CNTN5: variants seen among roughly 807,000 people sequenced by gnomAD.
The protein encoded by CNTN5 is contactin-5.
Under a neutral mutation model 129.1 loss-of-function variants are expected in CNTN5, and 77 were observed. The observed-to-expected ratio is 0.60, with a 90% CI of 0.50 to 0.72. The LOEUF is 0.72. Among genes scored for constraint, CNTN5 ranks in the 30% least tolerant of loss-of-function variants. The probability of loss-of-function intolerance (pLI) is 0.00; values close to 1 mark genes in which losing one functional copy is unlikely to be tolerated. For synonymous variants in CNTN5, 509 were observed against 465.6 expected, an observed-to-expected ratio of 1.09 and a Z score of -1.20; for missense variants, 1,478 against 1,328.8, an observed-to-expected ratio of 1.11 and a Z score of -1.75.
At chr11:100,266,626 A>G (rs530556073) in intron 17 of CNTN5, among the ~76,000 whole-genome samples, 2 of 105,806 alleles carry the variant, frequency 1.9e-5, no homozygotes, top group Non-Finnish European at 3.7e-5. Flanking sequence ...TAGAATTTCC[A>G]AATCTTTTTT....
intron 3 of CNTN5, among the ~76,000 whole-genome samples, chr11:99,590,919 A>G (rs1198186410): frequency 6.6e-6 from 1 of 152,096 alleles, no homozygotes; most frequent in African/African-American, 2.4e-5. Context: ...TATTTCAAAT[A>G]AAGATATGGT....
At chr11:99,470,545 T>G (rs2135272547) in intron 2 of CNTN5, among the ~76,000 whole-genome samples, 1 of 152,270 alleles carries the variant, frequency 6.6e-6, no homozygotes. Context: ...CTATACTGGT[T>G]CATTTTTCAA....
At chr11:99,237,332 C>T (rs1360691193) in intron 1 of CNTN5, among the ~76,000 whole-genome samples, 1 of 152,070 alleles carries the variant, frequency 6.6e-6, no homozygotes, top group Non-Finnish European at 1.5e-5. Flanking sequence ...AAAATAGAAG[C>T]TCTATCTCTA....
intron 2 of CNTN5, among the ~76,000 whole-genome samples, chr11:99,497,034 T>A (rs1169377665): frequency 1.3e-5 from 2 of 152,222 alleles, no homozygotes; most frequent in African/African-American, 4.8e-5. Context: ...ATCTGTGAAA[T>A]GTAGATGTTA....
chr11:99,634,855 A>C (rs992760985), intron 3 of CNTN5, among the ~76,000 whole-genome samples: 4 of 152,196 alleles, frequency 2.6e-5, no homozygotes, highest in Non-Finnish European at 5.9e-5. Context: ...CGTGTCATCA[A>C]TGTCCCTCCA....
chr11:100,249,600 T>C (rs1398292752), intron 16 of CNTN5, among the ~76,000 whole-genome samples: 3 of 152,328 alleles, frequency 2.0e-5, no homozygotes, highest in African/African-American at 7.2e-5. Context: ...ATGAGATTTC[T>C]ACTGAATGAG....
At chr11:99,865,832 G>C (rs1202770092) in intron 6 of CNTN5, among the ~76,000 whole-genome samples, 1 of 152,070 alleles carries the variant, frequency 6.6e-6, no homozygotes, top group Non-Finnish European at 1.5e-5. Flanking sequence ...ATAAGTAGCT[G>C]TAACCTGGTT....
rs76218099 is a variant in CNTN5, at chr11:99,952,969, A to C, written c.674-3837A>C. Among the ~76,000 whole-genome samples, 7 of 152,312 alleles carry C rather than the reference A, an allele frequency of 4.6e-5. No homozygotes were observed. In the East Asian group the frequency reaches 1.4e-3, roughly 29 times the overall value. ...AGTCATTCAACAACTCAGATGCTAT[A>C]TCCATTGTGTTCTCTCCAAATTCTT... is the stretch of plus-strand genomic sequence containing the variant. On this transcript the variant is annotated intron_variant, in intron 7 of 24. Coordinates refer to ENST00000524871, the MANE Select transcript of CNTN5 (RefSeq NM_014361.4).
intron 3 of CNTN5, among the ~76,000 whole-genome samples, chr11:99,786,325 A>G (rs534719286): frequency 1.6e-4 from 24 of 152,218 alleles, no homozygotes; most frequent in African/African-American, 5.5e-4. Flanking sequence ...TTCAAGGAGA[A>G]CTACAAACCG....
intron 1 of CNTN5, among the ~76,000 whole-genome samples, chr11:99,124,125 G>A (rs1414640380): frequency 6.6e-6 from 1 of 152,000 alleles, no homozygotes; most frequent in African/African-American, 2.4e-5. Flanking sequence ...TATGCAATAT[G>A]GCCATTTTGA....
chr11:100,217,574 A>T (rs1949166861), intron 15 of CNTN5, among the ~76,000 whole-genome samples: 1 of 152,158 alleles, frequency 6.6e-6, no homozygotes, highest in African/African-American at 2.4e-5. Context: ...TTTTTTTCTG[A>T]CTAGTTCTAT....
At chr11:99,232,588 T>A (rs1861059761) in intron 1 of CNTN5, among the ~76,000 whole-genome samples, 1 of 152,198 alleles carries the variant, frequency 6.6e-6, no homozygotes, top group Non-Finnish European at 1.5e-5. Flanking sequence ...TTGTATCATG[T>A]CTTCTGCAAA....
chr11:99,140,853 G>A (rs938750466), intron 1 of CNTN5, among the ~76,000 whole-genome samples: 16 of 151,826 alleles, frequency 1.1e-4, no homozygotes, highest in Admixed American at 4.6e-4. Context: ...CTACTTGATC[G>A]TGGTGGATTA....
chr11:99,078,428 T>A (rs1865663833), intron 1 of CNTN5, among the ~76,000 whole-genome samples: 1 of 152,182 alleles, frequency 6.6e-6, no homozygotes, highest in African/African-American at 2.4e-5. Context: ...CTCTGCTAGG[T>A]ATGTACCCCA....
rs1247150324 is a variant in CNTN5, at chr11:99,218,068, G to T, written c.-209-107278G>T. ...CCAATTGCTTTTTTTCTGTTTTATG[G>T]TGGTAGTTCTAGCAGTAGCTACTGT... On this transcript the variant is annotated intron_variant, in intron 1 of 24. Coordinates refer to ENST00000524871, the MANE Select transcript of CNTN5 (RefSeq NM_014361.4). Among the ~76,000 whole-genome samples, 5 of 152,102 alleles carry T rather than the reference G, an allele frequency of 3.3e-5. No individual in the cohort carries two copies. In the East Asian group the frequency reaches 9.7e-4, roughly 29 times the overall value.
intron 9 of CNTN5, among the ~76,000 whole-genome samples, chr11:100,050,394 A>G (rs1016824007): frequency 6.6e-6 from 1 of 152,054 alleles, no homozygotes; most frequent in African/African-American, 2.4e-5. Flanking sequence ...CAAACACCGC[A>G]TATTCTCACT....
At chr11:99,182,910 T>C (rs956191966) in intron 1 of CNTN5, among the ~76,000 whole-genome samples, 1 of 151,906 alleles carries the variant, frequency 6.6e-6, no homozygotes, top group Non-Finnish European at 1.5e-5. Context: ...GCTAAAAGGA[T>C]AGTAGATAGC....
intron 2 of CNTN5, among the ~76,000 whole-genome samples, chr11:99,335,530 A>T (rs969494690): frequency 6.6e-6 from 1 of 151,806 alleles, no homozygotes; most frequent in African/African-American, 2.4e-5. Flanking sequence ...GGTAGGGAAA[A>T]CAAGACCGAG....
rs111735270 is a variant in CNTN5 at position 99,572,768 on chromosome 11, T to A, written c.55+16499T>A. 8.3e-3 allele frequency among the ~76,000 whole-genome samples: 1,257 copies of A among 151,908 alleles called. 8 individuals are homozygous for A. Among genetic ancestry groups the A allele is most frequent in the African/African-American group, 0.016 (674 of 41,380 alleles). On this transcript the variant is annotated intron_variant, in intron 3 of 24. Transcript: ENST00000524871. The stretch of plus-strand genomic sequence containing the variant: ...ATTTTTAATAATTGAGGGTTTTTTT[T>A]AAAAAATAGATTATCAAATGAGAAA...
Sources: allele counts gnomAD v4.1 joint callset (sites outside exome capture counted in the v4.1 genomes callset), GRCh38; gene constraint gnomAD v4.1.1; transcripts MANE v1.5; gene names NCBI Gene and HGNC (gene_info 2026-07-23, HGNC 2026-07-21).